Variants in CISD3 observed in about 807,000 individuals in gnomAD.
CISD3 encodes CDGSH iron-sulfur domain-containing protein 3, mitochondrial.
CISD3 carries 11 observed loss-of-function variants against 14.1 expected under a neutral mutation model. The observed-to-expected ratio is 0.78, with a 90% CI of 0.49 to 1.29. CISD3 has a LOEUF of 1.29. Ranked by LOEUF, CISD3 falls within the 50% of genes most tolerant of loss-of-function variation. The pLI, the probability that CISD3 is intolerant of heterozygous loss-of-function variation, is 0.00. For missense variants in CISD3, 156 were observed against 171.6 expected (o/e 0.91, Z 0.51); for synonymous variants, 53 against 69.2 (o/e 0.77, Z 1.16).
chr17:38,730,843 C>T lies in CISD3; in HGVS notation c.84+48C>T, dbSNP rs563241549. On this transcript the variant is annotated intron_variant, in intron 2 of 3. Transcript: ENST00000613478. ...CCTCCTCGCACAAGACCCCCAGGCA[C>T]GGAGATCTCAAAGGCAGAAACAGGA... 8 of 1,522,538 alleles carry T rather than the reference C, an allele frequency of 5.3e-6. No homozygotes were observed. In the African/African-American group the frequency reaches 9.6e-5, roughly 18 times the overall value. 94.3% of individuals were successfully genotyped at this position (1,522,538 alleles called of 1,614,324 possible).
Position 38,734,406 on chromosome 17 carries a change from G to A in CISD3, c.*951G>A, listed in dbSNP as rs868646078. On this transcript the variant is annotated 3_prime_UTR_variant, in exon 4 of 4. Transcript: ENST00000613478. Reference sequence around the variant, plus strand: ...AGTGAGGGTTCCCCGGTGAGGGTAAGGTTGGTGGGGGTGCAGCGCTTCACA... The same window carrying A: ...AGTGAGGGTTCCCCGGTGAGGGTAAAGTTGGTGGGGGTGCAGCGCTTCACA... The A allele has an allele frequency of 1.3e-5, 2 of 152,364 alleles. No homozygotes were observed. The highest frequency in any genetic ancestry group is 2.9e-5 in the Non-Finnish European group (2 of 68,046). 9.4% of individuals were successfully genotyped at this position (152,364 alleles called of 1,614,324 possible). A position where few individuals can be genotyped will look rare whatever the true frequency, so the allele number is the denominator to read the frequency against.
intron 1 of CISD3, 97 bp from the exon 2 acceptor site, chr17:38,730,663 C>T: frequency 7.8e-7 from 1 of 1,277,520 alleles, no homozygotes; most frequent in Non-Finnish European, 1.1e-6. Flanking sequence ...CTCCTCCTTC[C>T]TAGATGGCCT....
In CISD3 at chr17:38,730,813, C is replaced by A; in HGVS notation, c.84+18C>A. The A allele has an allele frequency of 5.2e-6, 8 of 1,550,968 alleles. No homozygotes were observed. Among genetic ancestry groups the A allele is most frequent in the Non-Finnish European group, 7.0e-6 (8 of 1,146,276 alleles). ...CCTGGCTGGTGAGTCCCCCCATCCT[C>A]CCCTCCTCCTCGCACAAGACCCCCA... On this transcript the variant is annotated intron_variant, in intron 2 of 3. Transcript: ENST00000613478.
In CISD3 at chr17:38,730,891, G is replaced by A. The variant is rs8080710; in HGVS notation, c.84+96G>A. The A allele has an allele frequency of 3.1e-4, 409 of 1,320,000 alleles. No individual in the cohort carries two copies. In the African/African-American group the frequency reaches 5.3e-3, roughly 17 times the overall value. The allele number at this position is 1,320,000 out of a possible 1,614,324, so 81.8% of individuals were successfully genotyped here. A position where few individuals can be genotyped will look rare whatever the true frequency, so the allele number is the denominator to read the frequency against. On this transcript the variant is annotated intron_variant, in intron 2 of 3. Transcript: ENST00000613478. ...GGAAATGGAGCTAGGAAGAGTACAG[G>A]CCTATTCCCTGGAGTTAGCCCGTGG... is the stretch of plus-strand genomic sequence containing the variant.
Position 38,734,748 on chromosome 17 carries a change from AC to A in CISD3, c.*1294del, listed in dbSNP as rs1321422943. On this transcript the variant is annotated 3_prime_UTR_variant, in exon 4 of 4. Coordinates refer to ENST00000613478, the MANE Select transcript of CISD3 (RefSeq NM_001136498.2). ...GACAGCAGCCAAGATGGGGAGAGAA[AC>A]GGGGAGAGAAAGAAACGATTCTAAC... is the stretch of plus-strand genomic sequence containing the variant. The A allele has an allele frequency of 1.3e-5, 2 of 153,054 alleles. No individual in the cohort carries two copies. Among genetic ancestry groups the A allele is most frequent in the African/African-American group, 4.8e-5 (2 of 41,422 alleles). The allele number at this position is 153,054 out of a possible 1,614,324, so 9.5% of individuals were successfully genotyped here.
intron 2 of CISD3, 190 bp downstream of exon 2, chr17:38,730,985 G>A: frequency 1.5e-6 from 1 of 661,668 alleles, no homozygotes; most frequent in South Asian, 1.9e-5. Flanking sequence ...GAGGACAGCA[G>A]CACCTAATGA....
chr17:38,731,924 T>A (rs986889061), intron 3 of CISD3: 2 of 158,210 alleles, frequency 1.3e-5, no homozygotes, highest in Non-Finnish European at 2.8e-5. Flanking sequence ...CATAGACACA[T>A]TGGGAAGAGA....
chr17:38,735,183 T>A lies in CISD3; in HGVS notation c.*1728T>A. The A allele has an allele frequency of 2.3e-6, 3 of 1,285,640 alleles. No individual in the cohort carries two copies. The highest frequency in any genetic ancestry group is 3.0e-6 in the Non-Finnish European group (3 of 1,001,052). The allele number at this position is 1,285,640 out of a possible 1,614,324, so 79.6% of individuals were successfully genotyped here. A position where few individuals can be genotyped will look rare whatever the true frequency, so the allele number is the denominator to read the frequency against. ...AAGGGCCCAGAAAAAGTGGAAGGAG[T>A]GGAGAGGCTTGGCTGGAAGAAGGGA... is the stretch of plus-strand genomic sequence containing the variant. On this transcript the variant is annotated 3_prime_UTR_variant, in exon 4 of 4. Coordinates refer to ENST00000613478, the MANE Select transcript of CISD3 (RefSeq NM_001136498.2).
At chr17:38,731,244 C>T (rs1190306542) in intron 2 of CISD3, 76 bp from the exon 3 acceptor site, 6 of 1,519,948 alleles carry the variant, frequency 3.9e-6, no homozygotes, top group Admixed American at 2.1e-5. Flanking sequence ...CAGTGGGAAA[C>T]TAGGAAGGGT....
At chr17:38,733,230 C>CTGCCA (rs1567936350) in intron 3 of CISD3, 46 bp from the exon 4 acceptor site, 1 of 1,546,792 alleles carries the variant, frequency 6.5e-7, no homozygotes. Context: ...CTGCCCTGCC[C>CTGCCA]CAGCAGGTGG....
In CISD3 at chr17:38,730,790, T is replaced by C. The variant is rs1283471242; in HGVS notation, c.79T>C (p.Trp27Arg). The C allele has an allele frequency of 3.2e-6, 5 of 1,551,530 alleles. No individual in the cohort carries two copies. The highest frequency in any genetic ancestry group is 2.7e-5 in the African/African-American group (2 of 73,040). Residue 27 changes from tryptophan (W) to arginine (R), a missense_variant, in exon 2 of 4, where the codon TGG becomes CGG. By Grantham distance (101) the Trp-to-Arg change is moderately radical. Coordinates refer to ENST00000613478, the MANE Select transcript of CISD3 (RefSeq NM_001136498.2). ...DLNPRRDISS[W>R]LAQWFPRTPA... ...GAACCCGCGGCGGGACATCTCCTCC[T>C]GGCTGGTGAGTCCCCCCATCCTCCC... is the stretch of plus-strand genomic sequence containing the variant.
At chr17:38,731,582 C>A in intron 3 of CISD3, 143 bp downstream of exon 3, 1 of 1,044,112 alleles carries the variant, frequency 9.6e-7, no homozygotes, top group Non-Finnish European at 1.4e-6. Context: ...AAGGCCAGTG[C>A]CACCAGCAAC....
Position 38,735,396 on chromosome 17 carries a change from TG to T in CISD3, c.*1944del. 1 of 1,569,210 alleles carries T rather than the reference TG, an allele frequency of 6.4e-7. No homozygotes were observed. Among genetic ancestry groups the T allele is most frequent in the Middle Eastern group, 1.7e-4 (1 of 6,004 alleles). On this transcript the variant is annotated 3_prime_UTR_variant, in exon 4 of 4. Transcript: ENST00000613478. ...TGGGTGGCTGGAGGCCCATGGGAACTGGGAGAGCCATGGGATGGGGTGGCTG... is the reference window on the plus strand; with the variant it reads ...TGGGTGGCTGGAGGCCCATGGGAACTGGAGAGCCATGGGATGGGGTGGCTG...
In CISD3 at chr17:38,733,444, TC is replaced by T; in HGVS notation, c.377del (p.Pro126HisfsTer19). ...GCGCGTGCAGAAGGCAGAAGTGGGCTCCCCACTCTGAGGGGGCTGCTGCTGT... is the reference window on the plus strand; with the variant it reads ...GCGCGTGCAGAAGGCAGAAGTGGGCTCCCACTCTGAGGGGGCTGCTGCTGT... ...SERVQKAEVG[S>X]PL On this transcript the variant is annotated frameshift_variant, in exon 4 of 4. Transcript: ENST00000613478. LOFTEE classifies it high-confidence loss of function. 1 of 1,534,050 alleles carries T rather than the reference TC, an allele frequency of 6.5e-7. No individual in the cohort carries two copies. Among genetic ancestry groups the T allele is most frequent in the Non-Finnish European group, 8.8e-7 (1 of 1,135,432 alleles).
In CISD3 at chr17:38,733,213, G is replaced by GC. The variant is rs5820264; in HGVS notation, c.205-61dup. On this transcript the variant is annotated intron_variant, in intron 3 of 3. Coordinates refer to ENST00000613478, the MANE Select transcript of CISD3 (RefSeq NM_001136498.2). ...GCTCCACTCCCCCTGAGCTCCTGCA[G>GC]CCTGCCCTGCCCTGCCCCAGCAGGT... The GC allele has an allele frequency of 6.2e-6, 9 of 1,456,502 alleles. No individual in the cohort carries two copies. The Admixed American group carries it at 1.0e-4, about 16-fold the overall frequency. 90.2% of individuals were successfully genotyped at this position (1,456,502 alleles called of 1,614,324 possible). A position where few individuals can be genotyped will look rare whatever the true frequency, so the allele number is the denominator to read the frequency against.
chr17:38,732,463 G>T (rs1906375344), intron 3 of CISD3, among the ~76,000 whole-genome samples: 1 of 152,088 alleles, frequency 6.6e-6, no homozygotes, highest in Non-Finnish European at 1.5e-5. Context: ...TTGAGACCCC[G>T]CTTCTACAAA....
At position 38,735,120 on chromosome 17, in the gene CISD3, A is replaced by G; in HGVS notation, c.*1665A>G. 1 of 809,132 alleles carries G rather than the reference A, an allele frequency of 1.2e-6. No homozygotes were observed. Among genetic ancestry groups the G allele is most frequent in the African/African-American group, 1.8e-5 (1 of 55,748 alleles). 50.1% of individuals were successfully genotyped at this position (809,132 alleles called of 1,614,324 possible). A position where few individuals can be genotyped will look rare whatever the true frequency, so the allele number is the denominator to read the frequency against. On this transcript the variant is annotated 3_prime_UTR_variant, in exon 4 of 4. Coordinates refer to ENST00000613478, the MANE Select transcript of CISD3 (RefSeq NM_001136498.2). ...TTATAAAACCCGCCCCCCACCCCCA[A>G]GGTGGGAAGAGCTGGGGAAAGTAGA...
chr17:38,735,228 T>G lies in CISD3; in HGVS notation c.*1773T>G. Reference sequence around the variant, plus strand: ...AAGGGAGAGGGTCCCTGGCCTCAAGTTAAGGGGGGCACGGGAGCGCCGTTG... The same window carrying G: ...AAGGGAGAGGGTCCCTGGCCTCAAGGTAAGGGGGGCACGGGAGCGCCGTTG... On this transcript the variant is annotated 3_prime_UTR_variant, in exon 4 of 4. Transcript: ENST00000613478. 3 of 1,411,458 alleles carry G rather than the reference T, an allele frequency of 2.1e-6. No homozygotes were observed. Among genetic ancestry groups the G allele is most frequent in the Non-Finnish European group, 2.8e-6 (3 of 1,072,086 alleles). 87.4% of individuals were successfully genotyped at this position (1,411,458 alleles called of 1,614,324 possible). A position where few individuals can be genotyped will look rare whatever the true frequency, so the allele number is the denominator to read the frequency against.
rs1343115525 is a variant in CISD3, at chr17:38,735,547, G to A, written c.*2092G>A. ...CGGAGGGGGTGGGCACCGTGGCTAG[G>A]GTGAGCCGCTTGCAGGCTGGCTGGA... On this transcript the variant is annotated 3_prime_UTR_variant, in exon 4 of 4. Transcript: ENST00000613478. The A allele has an allele frequency of 6.3e-7, 1 of 1,587,620 alleles. No homozygotes were observed. The highest frequency in any genetic ancestry group is 8.6e-7 in the Non-Finnish European group (1 of 1,166,464).
Sources: gnomAD v4.1 joint callset for allele counts (sites outside exome capture counted in the v4.1 genomes callset) on GRCh38, gnomAD v4.1.1 for gene constraint, MANE v1.5 for transcripts, NCBI Gene and HGNC (gene_info 2026-07-23, HGNC 2026-07-21) for gene names.